RPS6KC1: variants seen among roughly 807,000 people sequenced by gnomAD.
RPS6KC1 encodes inactive ribosomal protein S6 kinase delta-1.
Under a neutral mutation model 103.8 loss-of-function variants are expected in RPS6KC1, and 54 were observed. The ratio of observed to expected loss-of-function variants is 0.52; its 90% CI spans 0.42 to 0.65. The LOEUF is 0.65. Among genes scored for constraint, RPS6KC1 ranks in the 30% least tolerant of loss-of-function variants. The pLI is 0.00. For missense variants in RPS6KC1, 1,151 were observed against 1,253.8 expected, an observed-to-expected ratio of 0.92 and a Z score of 1.24; for synonymous variants, 439 against 438.7, an observed-to-expected ratio of 1.00 and a Z score of -0.01.
the RPS6KC1 span, among the ~76,000 whole-genome samples, chr1:213,740,699 TATA>T: frequency 6.7e-6 from 1 of 150,192 alleles, no homozygotes; most frequent in Non-Finnish European, 1.5e-5. Flanking sequence ...TGTACACATA[TATA>T]CATCTCAGAT....
At chr1:213,530,137 G>T in the RPS6KC1 span, among the ~76,000 whole-genome samples, 1 of 151,934 alleles carries the variant, frequency 6.6e-6, no homozygotes, top group Non-Finnish European at 1.5e-5. Context: ...GTGCCATGTT[G>T]GTGTGCTGCA....
chr1:213,081,514 T>G (rs980466109), intron 3 of RPS6KC1, among the ~76,000 whole-genome samples: 5 of 152,222 alleles, frequency 3.3e-5, no homozygotes, highest in African/African-American at 9.6e-5. Flanking sequence ...TGAGACTTGA[T>G]GGGGTCAGAC....
chr1:213,628,336 C>T, the RPS6KC1 span, among the ~76,000 whole-genome samples: 24 of 152,132 alleles, frequency 1.6e-4, no homozygotes, highest in Middle Eastern at 3.4e-3. Context: ...GTCTTGCTAG[C>T]GGTCTATCAA....
the RPS6KC1 span, among the ~76,000 whole-genome samples, chr1:213,767,751 ACT>A: frequency 6.6e-6 from 1 of 152,154 alleles, no homozygotes; most frequent in African/African-American, 2.4e-5. Flanking sequence ...TGGAAGAGAA[ACT>A]CTGAGTCTCT....
the RPS6KC1 span, among the ~76,000 whole-genome samples, chr1:213,844,619 A>G: frequency 5.8e-3 from 888 of 152,360 alleles, 8 homozygotes; most frequent in African/African-American, 0.021. Context: ...TACAAGCAAG[A>G]GATAAAAATG....
the RPS6KC1 span, among the ~76,000 whole-genome samples, chr1:213,422,101 C>A: frequency 6.6e-6 from 1 of 152,140 alleles, no homozygotes; most frequent in African/African-American, 2.4e-5. Flanking sequence ...ACATTCACAT[C>A]GCCACTGTCC....
At chr1:213,549,612 C>CTTTTTTTTT in the RPS6KC1 span, among the ~76,000 whole-genome samples, 103 of 86,916 alleles carry the variant, frequency 1.2e-3, no homozygotes, top group African/African-American at 2.8e-3. Flanking sequence ...TTTTCTTTTC[C>CTTTTTTTTT]TTTTTTTTTT....
chr1:213,325,102 G>C, the RPS6KC1 span, among the ~76,000 whole-genome samples: 1 of 152,116 alleles, frequency 6.6e-6, no homozygotes. Context: ...AGATGTTGGG[G>C]GCAGAGCTGT....
the RPS6KC1 span, among the ~76,000 whole-genome samples, chr1:213,677,331 AT>A: frequency 6.6e-6 from 1 of 152,132 alleles, no homozygotes; most frequent in South Asian, 2.1e-4. Context: ...TAGTATCATC[AT>A]TTTACAAGTG....
the RPS6KC1 span, among the ~76,000 whole-genome samples, chr1:213,300,499 T>G: frequency 4.4e-4 from 67 of 152,304 alleles, no homozygotes; most frequent in African/African-American, 1.5e-3. Flanking sequence ...TTTCCCTGGT[T>G]TATTTGCTTT....
intron 8 of RPS6KC1, among the ~76,000 whole-genome samples, chr1:213,216,834 A>C (rs2093678006): frequency 1.3e-5 from 2 of 152,228 alleles, no homozygotes; most frequent in African/African-American, 4.8e-5. Context: ...GAGAACAAAG[A>C]CATAACATAC....
the RPS6KC1 span, among the ~76,000 whole-genome samples, chr1:213,341,403 G>C: frequency 1.3e-5 from 2 of 152,256 alleles, no homozygotes; most frequent in South Asian, 4.1e-4. Flanking sequence ...CAGGCAACAG[G>C]TAGTTAATGA....
chr1:213,438,817 G>A, the RPS6KC1 span, among the ~76,000 whole-genome samples: 4 of 129,242 alleles, frequency 3.1e-5, no homozygotes, highest in Admixed American at 8.3e-5. Context: ...TTTTTGAGAT[G>A]GAGTCTCGCT....
the RPS6KC1 span, among the ~76,000 whole-genome samples, chr1:213,617,764 A>G: frequency 6.6e-6 from 1 of 152,208 alleles, no homozygotes; most frequent in Non-Finnish European, 1.5e-5. Context: ...AGTGCCGACC[A>G]GTTGGTTCAT....
chr1:213,680,092 G>A, the RPS6KC1 span, among the ~76,000 whole-genome samples: 1 of 147,378 alleles, frequency 6.8e-6, no homozygotes, highest in African/African-American at 2.6e-5. Context: ...AAAATTTCAC[G>A]TTAAAGAAGG....
chr1:213,538,608 G>A, the RPS6KC1 span, among the ~76,000 whole-genome samples: 1 of 152,116 alleles, frequency 6.6e-6, no homozygotes, highest in African/African-American at 2.4e-5. Context: ...AAGGATGAGG[G>A]AAAGGTGTTT....
chr1:213,658,936 CT>C, the RPS6KC1 span, among the ~76,000 whole-genome samples: 3 of 152,120 alleles, frequency 2.0e-5, no homozygotes, highest in South Asian at 6.2e-4. Context: ...CTAGATCACT[CT>C]GCTGATATTC....
rs541672786 is a variant in RPS6KC1, at chr1:213,235,820, G to GA, written c.1225+3566dup. Among the ~76,000 whole-genome samples the GA allele has an allele frequency of 3.8e-3, 572 of 152,296 alleles. 3 individuals carry two copies. Among genetic ancestry groups the GA allele is most frequent in the Non-Finnish European group, 6.5e-3 (439 of 68,018 alleles). On this transcript the variant is annotated intron_variant, in intron 10 of 14. Transcript: ENST00000366960. ...GGCATGCTGAGCAAAGGAGTGATGA[G>GA]ATAGGGATCATTGGCCTGCTCTGTG... is the stretch of plus-strand genomic sequence containing the variant.
the RPS6KC1 span, among the ~76,000 whole-genome samples, chr1:213,299,123 A>G: frequency 7.9e-5 from 12 of 152,342 alleles, no homozygotes; most frequent in Non-Finnish European, 1.2e-4. Context: ...TTCTAATCTG[A>G]TGATTCAGGG....
Sources: allele counts gnomAD v4.1 joint callset (sites outside exome capture counted in the v4.1 genomes callset), GRCh38; gene constraint gnomAD v4.1.1; transcripts MANE v1.5; gene names NCBI Gene and HGNC (gene_info 2026-07-23, HGNC 2026-07-21).